Variants in ZBTB38 observed in about 807,000 individuals in gnomAD.
The protein encoded by ZBTB38 is zinc finger and BTB domain containing 38.
ZBTB38 carries 20 observed loss-of-function variants against 76.8 expected under a neutral mutation model. The observed-to-expected ratio is 0.26, with a 90% CI of 0.18 to 0.38. The LOEUF is 0.38. ZBTB38 is among the 10% of genes least tolerant of loss of function. ZBTB38 has a pLI of 1.00. For missense variants in ZBTB38, 1,082 were observed against 1,482.3 expected, an observed-to-expected ratio of 0.73 and a Z score of 4.43; for synonymous variants, 504 against 544.2, an observed-to-expected ratio of 0.93 and a Z score of 1.03.
At chr3:141,378,156 G>T (rs1945656121) in intron 2 of ZBTB38, among the ~76,000 whole-genome samples, 1 of 150,156 alleles carries the variant, frequency 6.7e-6, no homozygotes, top group Non-Finnish European at 1.5e-5. Context: ...CCCAGCCTGG[G>T]TGACAGAGCG....
At chr3:141,340,707 C>G (rs987486846) in intron 1 of ZBTB38, among the ~76,000 whole-genome samples, 14 of 151,830 alleles carry the variant, frequency 9.2e-5, no homozygotes, top group Admixed American at 3.3e-4. Flanking sequence ...ACCATCCTGG[C>G]TGACATGGTG....
intron 1 of ZBTB38, among the ~76,000 whole-genome samples, chr3:141,329,095 A>G (rs1240578747): frequency 6.6e-6 from 1 of 152,180 alleles, no homozygotes; most frequent in Non-Finnish European, 1.5e-5. Context: ...AACAAGCCAC[A>G]AAAGAAAAAA....
chr3:141,387,057 CTG>C (rs995384447), intron 4 of ZBTB38, 120 bp downstream of exon 4: 8 of 152,806 alleles, frequency 5.2e-5, no homozygotes, highest in Admixed American at 2.0e-4. Flanking sequence ...TGTGTGCATG[CTG>C]TGTCTAGAAT....
chr3:141,324,665 T>C (rs1204107304), intron 1 of ZBTB38, among the ~76,000 whole-genome samples: 1 of 151,966 alleles, frequency 6.6e-6, no homozygotes, highest in Non-Finnish European at 1.5e-5. Context: ...TGATGCTCAA[T>C]AAATCATTGA....
chr3:141,443,039 A>G lies in ZBTB38; in HGVS notation c.651A>G (p.Thr217=), dbSNP rs2080573030. The change falls in exon 6 of 6, where the codon ACA becomes ACG. Residue 217 remains threonine (T), a synonymous_variant. Coordinates refer to ENST00000321464, the MANE Select transcript of ZBTB38 (RefSeq NM_001376113.1). The surrounding 1 kb of genome is among the most constrained non-coding windows in gnomAD (Gnocchi z 5.6). The stretch of plus-strand genomic sequence containing the variant: ...GCCACGAGGCAGAGCCTGTCCGCAC[A>G]CTTGCCGAGCACTCATACGCTGTTT... ...DVCHEAEPVR[T]LAEHSYAVSS... 13 of 1,614,142 alleles carry G rather than the reference A, an allele frequency of 8.1e-6. No individual in the cohort carries two copies. The highest frequency in any genetic ancestry group is 1.1e-5 in the Non-Finnish European group (13 of 1,180,058).
chr3:141,393,696 A>C (rs1949565902), intron 4 of ZBTB38, among the ~76,000 whole-genome samples: 1 of 152,190 alleles, frequency 6.6e-6, no homozygotes, highest in Non-Finnish European at 1.5e-5. Flanking sequence ...GTCAGGAGGC[A>C]GCCAGGGGGA....
intron 5 of ZBTB38, among the ~76,000 whole-genome samples, chr3:141,417,885 A>C (rs9858405): frequency 0.16 from 23,709 of 152,002 alleles, 2,644 homozygotes; most frequent in African/African-American, 0.31. Flanking sequence ...GTAGTGGTGC[A>C]TGCCTGTAGT....
intron 1 of ZBTB38, among the ~76,000 whole-genome samples, chr3:141,329,044 T>A (rs1942762534): frequency 1.3e-5 from 2 of 152,068 alleles, no homozygotes; most frequent in African/African-American, 4.8e-5. Flanking sequence ...CATTCTTTCA[T>A]CCAATAATTG....
At chr3:141,397,847 G>A (rs575441117) in intron 4 of ZBTB38, among the ~76,000 whole-genome samples, 1 of 152,294 alleles carries the variant, frequency 6.6e-6, no homozygotes, top group African/African-American at 2.4e-5. Flanking sequence ...ACTGATCACA[G>A]ATCACTATAA....
At chr3:141,439,019 A>AT (rs1186039581) in intron 5 of ZBTB38, among the ~76,000 whole-genome samples, 1 of 146,682 alleles carries the variant, frequency 6.8e-6, no homozygotes, top group Non-Finnish European at 1.5e-5. Context: ...CATCCTTCCT[A>AT]TACCCCTGTT....
rs7623912 is a variant in ZBTB38 at position 141,353,165 on chromosome 3, G to A, written c.-738-15456G>A. 1.6e-3 allele frequency among the ~76,000 whole-genome samples: 240 copies of A among 152,100 alleles called. 1 individual carries two copies. The highest frequency in any genetic ancestry group is 5.5e-3 in the African/African-American group (228 of 41,482). Reference sequence around the variant, plus strand: ...TTCACCAGGGGTGTTTAAGCCCAGAGGCTCTCTCTTTTCTCCTCCCCATCA... The same window carrying A: ...TTCACCAGGGGTGTTTAAGCCCAGAAGCTCTCTCTTTTCTCCTCCCCATCA... On this transcript the variant is annotated intron_variant, in intron 1 of 7. Transcript: ENST00000509842.
chr3:141,399,665 G>C (rs994768153), intron 4 of ZBTB38, among the ~76,000 whole-genome samples: 1 of 152,198 alleles, frequency 6.6e-6, no homozygotes, highest in Non-Finnish European at 1.5e-5. Flanking sequence ...GAGTTGGAAT[G>C]AGTTAACAGA....
rs1367962771 is a variant in ZBTB38, at chr3:141,342,723, ATCT to A, written c.-739+18269_-739+18271del. 2.0e-4 allele frequency among the ~76,000 whole-genome samples: 27 copies of A among 134,336 alleles called. No homozygotes were observed. The East Asian group carries it at 6.3e-3, about 32-fold the overall frequency. The allele number at this position is 134,336 out of a possible 152,430, so 88.1% of individuals were successfully genotyped here. A position where few individuals can be genotyped will look rare whatever the true frequency, so the allele number is the denominator to read the frequency against. On this transcript the variant is annotated intron_variant, in intron 1 of 7. Coordinates refer to the ZBTB38 transcript ENST00000509842. The stretch of plus-strand genomic sequence containing the variant: ...CTAGAGAGGGCAATAAGGTCCCATG[ATCT>A]TTTTTTTTTTTTTTTTTTTTTAATG...
intron 5 of ZBTB38, among the ~76,000 whole-genome samples, chr3:141,408,521 T>C (rs1285482447): frequency 6.6e-6 from 1 of 151,858 alleles, no homozygotes; most frequent in African/African-American, 2.4e-5. Flanking sequence ...CACTCCAGCC[T>C]GGGTGATAGA....
intron 2 of ZBTB38, among the ~76,000 whole-genome samples, chr3:141,376,137 C>A (rs1472748627): frequency 1.3e-5 from 2 of 152,184 alleles, no homozygotes; most frequent in Non-Finnish European, 2.9e-5. Context: ...TTCCTCTCAT[C>A]CCACCACCTC....
chr3:141,381,629 A>G (rs749534684), intron 3 of ZBTB38, 142 bp downstream of exon 3: 5 of 152,236 alleles, frequency 3.3e-5, no homozygotes, highest in Non-Finnish European at 4.4e-5. Flanking sequence ...ACTACCTATG[A>G]GCGTTGAGCA....
chr3:141,364,775 T>A (rs1171547287), upstream of ZBTB38, among the ~76,000 whole-genome samples: 2 of 119,520 alleles, frequency 1.7e-5, no homozygotes, highest in Admixed American at 2.0e-4. Flanking sequence ...AAGTGACCAA[T>A]AAGCTCCTGA....
At chr3:141,439,079 C>T (rs192196343) in intron 5 of ZBTB38, among the ~76,000 whole-genome samples, 1 of 151,602 alleles carries the variant, frequency 6.6e-6, no homozygotes, top group Non-Finnish European at 1.5e-5. Flanking sequence ...ATTGTACTTA[C>T]TCTTCTAACA....
In ZBTB38 at chr3:141,449,529, G is replaced by A. The variant is rs1429710368; in HGVS notation, c.*3553G>A. 1 of 152,162 alleles carries A rather than the reference G, an allele frequency of 6.6e-6. No homozygotes were observed. The highest frequency in any genetic ancestry group is 1.5e-5 in the Non-Finnish European group (1 of 68,040). 9.4% of individuals were successfully genotyped at this position (152,162 alleles called of 1,614,324 possible). On this transcript the variant is annotated 3_prime_UTR_variant, in exon 6 of 6. Transcript: ENST00000321464. ...CTAACTAACTATCTTGCAAATGCCT[G>A]CAGTTTGTCCCAGTGGGCAATGTGA...
Sources: allele counts gnomAD v4.1 joint callset (sites outside exome capture counted in the v4.1 genomes callset), GRCh38; gene constraint gnomAD v4.1.1; non-coding constraint Gnocchi (gnomAD v3.1); transcripts MANE v1.5; gene names NCBI Gene and HGNC (gene_info 2026-07-23, HGNC 2026-07-21).